MIA2: variants seen among roughly 807,000 people sequenced by gnomAD.
MIA2 encodes the protein MIA SH3 domain ER export factor 2, also known as melanoma inhibitory activity protein 2.
In MIA2, 127 loss-of-function variants were observed where a neutral mutation model predicts 167.8. The observed-to-expected ratio is 0.76, with a 90% CI of 0.66 to 0.88. The LOEUF (loss-of-function observed/expected upper bound fraction) is 0.88. Ranked by LOEUF, MIA2 falls within the 40% of genes least tolerant of loss-of-function variation. MIA2 has a pLI of 0.00. For synonymous variants in MIA2, 552 were observed against 541.9 expected (o/e 1.02, Z -0.26); for missense variants, 1,690 against 1,624.7 (o/e 1.04, Z -0.69).
intron 1 of MIA2, among the ~76,000 whole-genome samples, chr14:39,234,653 C>G (rs1162079629): frequency 6.6e-6 from 1 of 152,038 alleles, no homozygotes; most frequent in African/African-American, 2.4e-5. Flanking sequence ...CTGTTTCACA[C>G]TCAGAACTTT....
At chr14:39,266,613 G>A in intron 6 of MIA2, 1 of 985,516 alleles carries the variant, frequency 1.0e-6, no homozygotes, top group South Asian at 4.7e-5. Flanking sequence ...ACGCCTTCCT[G>A]TCTAAAGTCC....
chr14:39,352,323 C>G (rs1177560306), downstream of MIA2, among the ~76,000 whole-genome samples: 3 of 150,932 alleles, frequency 2.0e-5, no homozygotes, highest in Non-Finnish European at 2.9e-5. Context: ...CTTCTCTGTT[C>G]CATGTGAATC....
chr14:39,348,564 T>C (rs1229012846), intron 27 of MIA2, among the ~76,000 whole-genome samples, 179 bp from the exon 28 acceptor site: 1 of 152,216 alleles, frequency 6.6e-6, no homozygotes, highest in Non-Finnish European at 1.5e-5. Context: ...ATATTTATGA[T>C]AACTAAAATG....
chr14:39,368,807 C>T (rs1056123587), intron 23 of MIA2, among the ~76,000 whole-genome samples: 2 of 150,548 alleles, frequency 1.3e-5, no homozygotes, highest in Non-Finnish European at 2.9e-5. Flanking sequence ...AGTAAACGTA[C>T]GTTTAATCTT....
intron 4 of MIA2, among the ~76,000 whole-genome samples, chr14:39,250,405 G>T (rs1456578233): frequency 6.6e-6 from 1 of 151,828 alleles, no homozygotes; most frequent in African/African-American, 2.4e-5. Context: ...TTTCTCTAAA[G>T]AAAATATTGG....
At chr14:39,344,915 G>C (rs2072886281) in intron 25 of MIA2, among the ~76,000 whole-genome samples, 1 of 152,098 alleles carries the variant, frequency 6.6e-6, no homozygotes, top group Non-Finnish European at 1.5e-5. Flanking sequence ...ATACCATATT[G>C]TCATCATAAA....
rs2056131475 is a variant in MIA2, at chr14:39,267,580, A to G, written c.1888-9354A>G. On this transcript the variant is annotated intron_variant, in intron 6 of 28. Coordinates refer to ENST00000640607, the MANE Select transcript of MIA2 (RefSeq NM_001329214.4). ...CAGGGGTCGCGGGAGCCGCCGGGGG[A>G]AGGAAGCAGTAGACCGGCTTTGGGG... 1.9e-6 allele frequency: 3 copies of G among 1,596,984 alleles called. No individual in the cohort carries two copies. In the South Asian group the frequency reaches 3.3e-5, roughly 18 times the overall value.
chr14:39,261,830 TG>T (rs2055132075), intron 6 of MIA2, among the ~76,000 whole-genome samples: 1 of 152,206 alleles, frequency 6.6e-6, no homozygotes, highest in Non-Finnish European at 1.5e-5. Flanking sequence ...CACGTGTTGA[TG>T]GGGTTGTTTA....
chr14:39,291,062 T>A lies in MIA2; in HGVS notation c.2174T>A (p.Phe725Tyr). The A allele has an allele frequency of 6.2e-7, 1 of 1,607,424 alleles. No individual in the cohort carries two copies. The highest frequency in any genetic ancestry group is 2.2e-5 in the East Asian group (1 of 44,526). The change falls in exon 10 of 29, where the codon TTT becomes TAT. Residue 725 changes from phenylalanine to tyrosine, a missense_variant. Transcript: ENST00000640607. Reference protein sequence around the residue: ...EVESSLKDASFEKEATEAQSL... With the variant: ...EVESSLKDASYEKEATEAQSL... ...GAGTCATCTTTAAAGGATGCCAGCT[T>A]TGAGAAGGAGGCAACAGAAGCACAA...
At chr14:39,375,726 C>G (rs2075032169) in intron 23 of MIA2, among the ~76,000 whole-genome samples, 1 of 151,932 alleles carries the variant, frequency 6.6e-6, no homozygotes, top group South Asian at 2.1e-4. Flanking sequence ...AATTGTGGAT[C>G]CAGTTGAGGG....
At chr14:39,342,336 T>G (rs1287627387) in intron 25 of MIA2, among the ~76,000 whole-genome samples, 1 of 152,154 alleles carries the variant, frequency 6.6e-6, no homozygotes, top group Non-Finnish European at 1.5e-5. Context: ...ACAAAGGACA[T>G]GAACTCATCA....
intron 23 of MIA2, among the ~76,000 whole-genome samples, chr14:39,363,571 G>A (rs1280592821): frequency 6.6e-6 from 1 of 152,166 alleles, no homozygotes; most frequent in Non-Finnish European, 1.5e-5. Context: ...TTTCTGTCTG[G>A]ATGATCTGTC....
At chr14:39,268,573 G>A (rs540463364) in intron 6 of MIA2, among the ~76,000 whole-genome samples, 1 of 152,304 alleles carries the variant, frequency 6.6e-6, no homozygotes, top group Admixed American at 6.5e-5. Context: ...GGAGTGATGG[G>A]CAATGATGCT....
chr14:39,288,732 A>G (rs556151159), intron 9 of MIA2, among the ~76,000 whole-genome samples: 8 of 151,846 alleles, frequency 5.3e-5, no homozygotes, highest in African/African-American at 1.9e-4. Context: ...AAGTGCTGGG[A>G]TTACATGCGT....
chr14:39,302,300 T>C, intron 15 of MIA2, 51 bp downstream of exon 15: 2 of 1,597,764 alleles, frequency 1.3e-6, no homozygotes, highest in East Asian at 2.2e-5. Flanking sequence ...CTAGCTCTTC[T>C]ATTTCCTTTT....
chr14:39,242,112 C>T (rs1467399217), intron 3 of MIA2, among the ~76,000 whole-genome samples: 1 of 152,186 alleles, frequency 6.6e-6, no homozygotes, highest in Non-Finnish European at 1.5e-5. Context: ...GTGATGGTAA[C>T]ACAAGTGTAT....
intron 6 of MIA2, among the ~76,000 whole-genome samples, chr14:39,275,791 G>C (rs553525852): frequency 1.3e-5 from 2 of 151,972 alleles, no homozygotes; most frequent in Middle Eastern, 3.2e-3. Context: ...AGATTTCTGC[G>C]AACTGGTACC....
At chr14:39,313,470 T>C (rs779900350) in intron 19 of MIA2, 29 bp downstream of exon 19, 7 of 1,296,520 alleles carry the variant, frequency 5.4e-6, no homozygotes, top group Non-Finnish European at 7.5e-6. Context: ...TGGTTTCTTT[T>C]TTGGAATGGG....
At chr14:39,290,238 A>G (rs2060540242) in intron 9 of MIA2, among the ~76,000 whole-genome samples, 1 of 152,164 alleles carries the variant, frequency 6.6e-6, no homozygotes, top group Admixed American at 6.5e-5. Context: ...TAGAAATGTC[A>G]AATACTAGAC....
Sources: gnomAD v4.1 joint callset for allele counts (sites outside exome capture counted in the v4.1 genomes callset) on GRCh38, gnomAD v4.1.1 for gene constraint, MANE v1.5 for transcripts, NCBI Gene and HGNC (gene_info 2026-07-23, HGNC 2026-07-21) for gene names.